HMCN1: variants seen among roughly 807,000 people sequenced by gnomAD.
The protein encoded by HMCN1 is hemicentin 1.
In HMCN1, 321 loss-of-function variants were observed where a neutral mutation model predicts 625.9. The observed-to-expected ratio is 0.51, with a 90% CI of 0.47 to 0.56. The LOEUF is 0.56. Among genes scored for constraint, HMCN1 ranks in the 20% least tolerant of loss-of-function variants. The pLI, the probability that HMCN1 is intolerant of heterozygous loss-of-function variation, is 0.00. For synonymous variants in HMCN1, 2,425 were observed against 2,417.6 expected (o/e 1.00, Z -0.09); for missense variants, 6,588 against 6,887.3 (o/e 0.96, Z 1.54).
intron 20 of HMCN1, 136 bp downstream of exon 20, chr1:185,987,680 C>T: frequency 1.4e-6 from 1 of 733,742 alleles, no homozygotes; most frequent in Non-Finnish European, 2.5e-6. Flanking sequence ...TCCTATGTGG[C>T]TGGACAGATG....
intron 2 of HMCN1, among the ~76,000 whole-genome samples, chr1:185,856,679 A>T (rs1293227619): frequency 1.3e-5 from 2 of 152,186 alleles, no homozygotes; most frequent in Non-Finnish European, 2.9e-5. Context: ...GAATAAGGGT[A>T]AATATTGTAA....
At chr1:185,793,232 A>C (rs1658122558) in intron 1 of HMCN1, among the ~76,000 whole-genome samples, 1 of 152,214 alleles carries the variant, frequency 6.6e-6, no homozygotes, top group Non-Finnish European at 1.5e-5. Context: ...GTTCTAAAGG[A>C]CAGAGGGTCA....
rs772602156 is a variant in HMCN1, at chr1:186,082,891, C to T, written c.8814C>T (p.Ile2938=). The change falls in exon 57 of 107, where the codon ATC becomes ATT. Residue 2938 remains isoleucine (I), a synonymous_variant. Coordinates refer to ENST00000271588, the MANE Select transcript of HMCN1 (RefSeq NM_031935.3). ...TTCTGAATACTCAAATAACAGATATCGGCAGGTATGTGTGTGTTGCTGAGA... is the reference window on the plus strand; with the variant it reads ...TTCTGAATACTCAAATAACAGATATTGGCAGGTATGTGTGTGTTGCTGAGA... ...LQILNTQITD[I]GRYVCVAENT... 14 of 1,587,338 alleles carry T rather than the reference C, an allele frequency of 8.8e-6. No homozygotes were observed. In the African/African-American group the frequency reaches 9.4e-5, roughly 11 times the overall value.
rs1331405150 is a variant in HMCN1, at chr1:185,734,399, G to A, written c.-381G>A. On this transcript the variant is annotated 5_prime_UTR_variant, in exon 1 of 107. Coordinates refer to ENST00000271588, the MANE Select transcript of HMCN1 (RefSeq NM_031935.3). ...GGAAAGTTGGGAACCTCAGTCGCTG[G>A]CCCAGGCGGAGAGCAGCGGCGGCGG... Among the ~76,000 whole-genome samples the A allele has an allele frequency of 6.6e-6, 1 of 152,202 alleles. No individual in the cohort carries two copies. The highest frequency in any genetic ancestry group is 2.4e-5 in the African/African-American group (1 of 41,452).
intron 1 of HMCN1, among the ~76,000 whole-genome samples, chr1:185,810,980 A>G (rs1659479541): frequency 6.6e-6 from 1 of 151,242 alleles, no homozygotes; most frequent in Non-Finnish European, 1.5e-5. Context: ...GCATTTGCTT[A>G]TTAAAAAACA....
chr1:185,955,778 A>G (rs1419193203), intron 11 of HMCN1, among the ~76,000 whole-genome samples: 1 of 152,090 alleles, frequency 6.6e-6, no homozygotes, highest in African/African-American at 2.4e-5. Flanking sequence ...CTCTATGTCC[A>G]TTACACCTTC....
At chr1:186,151,130 CCT>C in intron 93 of HMCN1, 68 bp from the exon 94 acceptor site, 1 of 1,458,300 alleles carries the variant, frequency 6.9e-7, no homozygotes, top group Non-Finnish European at 9.6e-7. Flanking sequence ...GAATACTGGC[CCT>C]CTTTTCTCCC....
intron 1 of HMCN1, among the ~76,000 whole-genome samples, chr1:185,814,492 G>A (rs1385624847): frequency 6.6e-6 from 1 of 152,006 alleles, no homozygotes; most frequent in African/African-American, 2.4e-5. Flanking sequence ...CTGCTTTCAT[G>A]CTTCTTTTCT....
intron 36 of HMCN1, 135 bp downstream of exon 36, chr1:186,023,288 GTT>G (rs74451695): frequency 8.5e-3 from 4,410 of 517,252 alleles, no homozygotes; most frequent in East Asian, 0.011. Flanking sequence ...AAAACCTAGG[GTT>G]TTTTTTTTTT....
At chr1:185,737,790 T>C (rs1247294351) in intron 1 of HMCN1, among the ~76,000 whole-genome samples, 4 of 152,246 alleles carry the variant, frequency 2.6e-5, no homozygotes, top group East Asian at 1.9e-4. Context: ...ATATATTCTA[T>C]GTCTTTTGAT....
In HMCN1 at chr1:185,993,321, A is replaced by G. The variant is rs759244713; in HGVS notation, c.3505+12A>G. ...ATTAAATGTCCATGGTGAGTCTTGA[A>G]ATGAGAACATATGACAACCCTGTGG... On this transcript the variant is annotated intron_variant, in intron 23 of 106. Coordinates refer to ENST00000271588, the MANE Select transcript of HMCN1 (RefSeq NM_031935.3). 7.4e-6 allele frequency: 12 copies of G among 1,612,014 alleles called. No individual in the cohort carries two copies. Among genetic ancestry groups the G allele is most frequent in the African/African-American group, 1.3e-5 (1 of 74,854 alleles).
intron 1 of HMCN1, among the ~76,000 whole-genome samples, chr1:185,780,557 AG>A (rs1189991839): frequency 1.3e-5 from 2 of 152,188 alleles, no homozygotes; most frequent in Middle Eastern, 3.2e-3. Flanking sequence ...TTTAGCATGA[AG>A]GGCTGATGAA....
intron 10 of HMCN1, among the ~76,000 whole-genome samples, chr1:185,930,659 C>T (rs1352918504): frequency 6.6e-6 from 1 of 151,974 alleles, no homozygotes; most frequent in Non-Finnish European, 1.5e-5. Context: ...TTCTAGTTGA[C>T]GTGTTTGAGG....
In HMCN1 at chr1:185,951,094, C is replaced by A. The variant is rs1326033463; in HGVS notation, c.1829-11424C>A. Among the ~76,000 whole-genome samples, 83 of 151,588 alleles carry A rather than the reference C, an allele frequency of 5.5e-4. 1 individual carries two copies. Among genetic ancestry groups the A allele is most frequent in the Non-Finnish European group, 7.8e-4 (53 of 67,940 alleles). On this transcript the variant is annotated intron_variant, in intron 11 of 106. Coordinates refer to ENST00000271588, the MANE Select transcript of HMCN1 (RefSeq NM_031935.3). ...GGTTTTAATGAGATGGTAAGGGGTGCATGATCGGTCACCAAGGAGGGAGTA... is the reference window on the plus strand; with the variant it reads ...GGTTTTAATGAGATGGTAAGGGGTGAATGATCGGTCACCAAGGAGGGAGTA...
chr1:186,094,173 C>T, intron 66 of HMCN1, 103 bp from the exon 67 acceptor site: 1 of 924,668 alleles, frequency 1.1e-6, no homozygotes, highest in Non-Finnish European at 1.7e-6. Context: ...TAAAATTTCC[C>T]AACATAAATC....
At chr1:186,163,115 G>A (rs1265423710) in intron 97 of HMCN1, among the ~76,000 whole-genome samples, 2 of 152,204 alleles carry the variant, frequency 1.3e-5, no homozygotes, top group African/African-American at 2.4e-5. Context: ...GAAATGGCGG[G>A]CGCCCCTCCC....
Position 186,114,031 on chromosome 1 carries a change from G to C in HMCN1, c.11184G>C (p.Lys3728Asn). ...GPQSLVILLNKSTVLECIAEG... is the reference protein window; with the variant it reads ...GPQSLVILLNNSTVLECIAEG... ...AGAGCCTTGTAATTCTTTTAAATAA[G>C]TCAACTGTATTGGAATGCATCGCTG... Residue 3728 changes from lysine (K) to asparagine (N), a missense_variant, in exon 73 of 107, where the codon AAG (lysine) becomes AAC (asparagine). Physicochemically the swap from Lys to Asn is moderately conservative, Grantham distance 94. Transcript: ENST00000271588. 6.2e-7 allele frequency: 1 copy of C among 1,614,096 alleles called. No homozygotes were observed. The highest frequency in any genetic ancestry group is 1.1e-5 in the South Asian group (1 of 91,078).
intron 57 of HMCN1, among the ~76,000 whole-genome samples, chr1:186,084,741 T>A (rs1481828445): frequency 6.6e-6 from 1 of 152,050 alleles, no homozygotes; most frequent in Non-Finnish European, 1.5e-5. Flanking sequence ...TATATGTCCT[T>A]GTTGCATATA....
chr1:185,833,925 A>G (rs764815952), intron 1 of HMCN1, among the ~76,000 whole-genome samples: 13 of 152,206 alleles, frequency 8.5e-5, no homozygotes, highest in Non-Finnish European at 1.5e-4. Flanking sequence ...TTATACACAC[A>G]TATACATAAA....
Sources: allele counts gnomAD v4.1 joint callset (sites outside exome capture counted in the v4.1 genomes callset), GRCh38; gene constraint gnomAD v4.1.1; transcripts MANE v1.5; gene names NCBI Gene and HGNC (gene_info 2026-07-23, HGNC 2026-07-21).